Variants in NRG1 observed in about 807,000 individuals in gnomAD.
NRG1 encodes the protein pro-neuregulin-1, membrane-bound isoform.
NRG1 carries 18 observed loss-of-function variants against 63.8 expected under a neutral mutation model. The ratio of observed to expected loss-of-function variants is 0.28; its 90% CI spans 0.19 to 0.42. NRG1 has a LOEUF of 0.42. Ranked by LOEUF, NRG1 falls within the 10% of genes least tolerant of loss-of-function variation. NRG1 has a pLI of 1.00. For synonymous variants in NRG1, 302 were observed against 301.3 expected (o/e 1.00, Z -0.02); for missense variants, 762 against 814.7 (o/e 0.94, Z 0.79).
At chr8:32,215,583 C>T (rs1287666939) in intron 1 of NRG1, among the ~76,000 whole-genome samples, 1 of 152,134 alleles carries the variant, frequency 6.6e-6, no homozygotes, top group Non-Finnish European at 1.5e-5. Flanking sequence ...CAGCAACTTG[C>T]CCAAGGTCTC....
chr8:31,705,793 A>T (rs1324204956), intron 1 of NRG1, among the ~76,000 whole-genome samples: 1 of 152,206 alleles, frequency 6.6e-6, no homozygotes, highest in Non-Finnish European at 1.5e-5. Context: ...GTGTATTAAT[A>T]TTCTATGCTT....
intron 1 of NRG1, among the ~76,000 whole-genome samples, chr8:32,211,801 A>C (rs1439928040): frequency 1.3e-5 from 2 of 152,162 alleles, no homozygotes; most frequent in African/African-American, 4.8e-5. Context: ...TAAATTTGCC[A>C]ATCTTTTCAT....
chr8:32,745,659 TATGTG>T (rs940440359), intron 7 of NRG1, among the ~76,000 whole-genome samples: 129 of 138,320 alleles, frequency 9.3e-4, no homozygotes, highest in African/African-American at 2.8e-3. Flanking sequence ...TGTTCATCGA[TATGTG>T]GTGTGTGGGG....
intron 1 of NRG1, among the ~76,000 whole-genome samples, chr8:31,714,239 C>G (rs1355913273): frequency 6.6e-6 from 1 of 151,834 alleles, no homozygotes; most frequent in African/African-American, 2.4e-5. Context: ...TTGTGTAATA[C>G]CCAGCAAGTG....
intron 1 of NRG1, among the ~76,000 whole-genome samples, chr8:32,460,184 A>T (rs970601859): frequency 6.6e-6 from 1 of 152,238 alleles, no homozygotes; most frequent in Non-Finnish European, 1.5e-5. Context: ...GAGTGAATGA[A>T]TGAAAATTGT....
At chr8:32,638,191 A>G (rs528716307) in intron 5 of NRG1, among the ~76,000 whole-genome samples, 125 of 152,228 alleles carry the variant, frequency 8.2e-4, no homozygotes, top group African/African-American at 2.9e-3. Context: ...CCTCCCAATA[A>G]CTTTTTTTCT....
chr8:31,815,850 T>C (rs1007703796), intron 1 of NRG1, among the ~76,000 whole-genome samples: 1 of 152,194 alleles, frequency 6.6e-6, no homozygotes, highest in Non-Finnish European at 1.5e-5. Context: ...TTTTTTCTTT[T>C]GTTAGTAATG....
chr8:32,587,211 C>G (rs980959570), intron 1 of NRG1, among the ~76,000 whole-genome samples: 1 of 150,074 alleles, frequency 6.7e-6, no homozygotes, highest in Admixed American at 6.6e-5. Context: ...GAGACTCTGC[C>G]GCCAAAAAAA....
chr8:32,399,692 A>T (rs899889136), intron 1 of NRG1, among the ~76,000 whole-genome samples: 8 of 152,194 alleles, frequency 5.3e-5, no homozygotes, highest in African/African-American at 1.9e-4. Context: ...CAACAGAGAG[A>T]GACTTTGTCT....
Position 31,743,594 on chromosome 8 carries a change from G to C in NRG1, c.37+104163G>C, listed in dbSNP as rs564706547. ...TGTGTGGGTGTGTGTGTGTGGGTGT[G>C]TGTGTGCACATGCACACATCCAGGA... On this transcript the variant is annotated intron_variant, in intron 1 of 10. Transcript: ENST00000519301. Among the ~76,000 whole-genome samples, 39 of 151,966 alleles carry C rather than the reference G, an allele frequency of 2.6e-4. No homozygotes were observed. In the South Asian group the frequency reaches 7.9e-3, roughly 31 times the overall value.
At chr8:32,463,821 A>G (rs1281636275) in intron 1 of NRG1, among the ~76,000 whole-genome samples, 2 of 149,894 alleles carry the variant, frequency 1.3e-5, no homozygotes, top group Admixed American at 6.7e-5. Flanking sequence ...AGCCTGGGTA[A>G]CAAAGCAAAG....
intron 1 of NRG1, among the ~76,000 whole-genome samples, chr8:32,250,472 T>C (rs1202420372): frequency 2.6e-5 from 4 of 152,114 alleles, no homozygotes; most frequent in Admixed American, 2.6e-4. Context: ...GCAACAATAG[T>C]TTAATGATTT....
chr8:32,040,704 A>G lies in NRG1; in HGVS notation c.37+401273A>G, dbSNP rs1375317085. On this transcript the variant is annotated intron_variant, in intron 1 of 10. Transcript: ENST00000519301. Reference sequence around the variant, plus strand: ...ACACATATATAAATTTAGTTCTGAAATTTAGGCATATATATATATATATAT... The same window carrying G: ...ACACATATATAAATTTAGTTCTGAAGTTTAGGCATATATATATATATATAT... 2.1e-4 allele frequency among the ~76,000 whole-genome samples: 7 copies of G among 33,490 alleles called. 1 individual carries two copies. The highest frequency in any genetic ancestry group is 5.2e-4 in the African/African-American group (7 of 13,528). 22.0% of individuals were successfully genotyped at this position (33,490 alleles called of 152,430 possible). A position where few individuals can be genotyped will look rare whatever the true frequency, so the allele number is the denominator to read the frequency against.
intron 1 of NRG1, among the ~76,000 whole-genome samples, chr8:32,410,107 C>A (rs1358649251): frequency 1.3e-5 from 2 of 151,266 alleles, no homozygotes; most frequent in African/African-American, 2.4e-5. Context: ...AAAACTGAGA[C>A]AGGAGATTGG....
At chr8:32,185,402 TAAG>T (rs1841872404) in intron 1 of NRG1, among the ~76,000 whole-genome samples, 1 of 152,200 alleles carries the variant, frequency 6.6e-6, no homozygotes, top group East Asian at 1.9e-4. Context: ...GAATATGACT[TAAG>T]AAGTGATCTT....
intron 1 of NRG1, among the ~76,000 whole-genome samples, chr8:32,252,491 A>T (rs552620801): frequency 6.6e-6 from 1 of 152,208 alleles, no homozygotes; most frequent in South Asian, 2.1e-4. Flanking sequence ...GTTTGTAAAA[A>T]ATCAGATAGT....
chr8:31,857,411 A>G (rs977494677), intron 1 of NRG1, among the ~76,000 whole-genome samples: 2 of 152,216 alleles, frequency 1.3e-5, no homozygotes, highest in Non-Finnish European at 2.9e-5. Context: ...TTGACTAGGA[A>G]AGGGAACTCC....
At chr8:32,033,780 A>C (rs1818627186) in intron 1 of NRG1, among the ~76,000 whole-genome samples, 1 of 152,104 alleles carries the variant, frequency 6.6e-6, no homozygotes, top group Non-Finnish European at 1.5e-5. Context: ...AATGCTTGTG[A>C]CTTTTGCACA....
chr8:32,069,278 G>T (rs560430460), intron 1 of NRG1, among the ~76,000 whole-genome samples: 1 of 152,214 alleles, frequency 6.6e-6, no homozygotes, highest in Non-Finnish European at 1.5e-5. Context: ...CTGTTGGAAA[G>T]GGAGAGGTAA....
Sources: gnomAD v4.1 joint callset for allele counts (sites outside exome capture counted in the v4.1 genomes callset) on GRCh38, gnomAD v4.1.1 for gene constraint, MANE v1.5 for transcripts, NCBI Gene and HGNC (gene_info 2026-07-23, HGNC 2026-07-21) for gene names.